UBQLN1: variants seen among roughly 807,000 people sequenced by gnomAD.
UBQLN1 encodes ubiquilin-1.
Under a neutral mutation model 65.4 loss-of-function variants are expected in UBQLN1, and 13 were observed. The ratio of observed to expected loss-of-function variants is 0.20; its 90% CI spans 0.13 to 0.32. UBQLN1 has a LOEUF of 0.32. Ranked by LOEUF, UBQLN1 falls within the 10% of genes least tolerant of loss-of-function variation. UBQLN1 has a pLI of 1.00. For synonymous variants in UBQLN1, 267 were observed against 247.8 expected (o/e 1.08, Z -0.73); for missense variants, 561 against 724.0 (o/e 0.77, Z 2.58).
intron 7 of UBQLN1, chr9:83,667,715 T>TAATC (rs1219656856): frequency 1.0e-6 from 1 of 983,676 alleles, no homozygotes; most frequent in African/African-American, 1.7e-5. Flanking sequence ...CTTTCACAGA[T>TAATC]AATCATCTTA....
At chr9:83,685,589 G>A (rs1832026932) in intron 2 of UBQLN1, among the ~76,000 whole-genome samples, 1 of 150,672 alleles carries the variant, frequency 6.6e-6, no homozygotes, top group Admixed American at 6.6e-5. Flanking sequence ...AGCCCAGCCT[G>A]GGCAACATGG....
rs1013417617 is a variant in UBQLN1 at position 83,660,672 on chromosome 9, C to T, written c.*1115G>A. 6.9e-6 allele frequency: 1 copy of T among 145,354 alleles called. No individual in the cohort carries two copies. Among genetic ancestry groups the T allele is most frequent in the African/African-American group, 2.5e-5 (1 of 39,724 alleles). 9.0% of individuals were successfully genotyped at this position (145,354 alleles called of 1,614,324 possible). On this transcript the variant is annotated 3_prime_UTR_variant, in exon 11 of 11. Coordinates refer to ENST00000376395, the MANE Select transcript of UBQLN1 (RefSeq NM_013438.5). The stretch of plus-strand genomic sequence containing the variant: ...GACAGATTCCGCTGCCCCACCCCCC[C>T]ACCCCGTCCCCCTTTCTCTGAGGCT...
At chr9:83,686,299 GGAGGA>G in intron 1 of UBQLN1, 144 bp from the exon 2 acceptor site, 5 of 570,348 alleles carry the variant, frequency 8.8e-6, no homozygotes, top group Non-Finnish European at 1.1e-5. Context: ...GGCTGAGGCA[GGAGGA>G]CTGCCTGAGT....
chr9:83,695,478 G>GT (rs1320942601), intron 1 of UBQLN1, among the ~76,000 whole-genome samples: 1 of 152,234 alleles, frequency 6.6e-6, no homozygotes, highest in Admixed American at 6.5e-5. Context: ...ACTTAAAGGC[G>GT]TGAGGCGCCA....
At chr9:83,699,819 C>CTA (rs1554730225) in intron 1 of UBQLN1, among the ~76,000 whole-genome samples, 1 of 152,184 alleles carries the variant, frequency 6.6e-6, no homozygotes, top group Non-Finnish European at 1.5e-5. Flanking sequence ...CTGAAAGGAG[C>CTA]TATAGATAAC....
At chr9:83,696,067 G>A (rs1381722430) in intron 1 of UBQLN1, among the ~76,000 whole-genome samples, 2 of 152,166 alleles carry the variant, frequency 1.3e-5, no homozygotes, top group Admixed American at 6.5e-5. Flanking sequence ...AGCCTCTCCA[G>A]TAGCTGGGAC....
chr9:83,669,122 T>A lies in UBQLN1; in HGVS notation c.1248+63A>T, dbSNP rs1252793686. The A allele has an allele frequency of 1.9e-6, 3 of 1,549,660 alleles. No homozygotes were observed. In the South Asian group the frequency reaches 3.7e-5, roughly 19 times the overall value. On this transcript the variant is annotated intron_variant, in intron 7 of 10. Coordinates refer to ENST00000376395, the MANE Select transcript of UBQLN1 (RefSeq NM_013438.5). ...CAACACAAATGTGCCAAAATCACAA[T>A]TACAAGATTAGGTTATTTTAATTCA...
At chr9:83,677,485 C>T (rs1027659863) in intron 6 of UBQLN1, among the ~76,000 whole-genome samples, 2 of 152,074 alleles carry the variant, frequency 1.3e-5, no homozygotes, top group Admixed American at 1.3e-4. Context: ...TCACTTGAAC[C>T]CAGGAGGAAG....
At chr9:83,687,371 A>G (rs1051842000) in intron 1 of UBQLN1, among the ~76,000 whole-genome samples, 7 of 152,292 alleles carry the variant, frequency 4.6e-5, no homozygotes, top group African/African-American at 1.7e-4. Flanking sequence ...GCTTTACCAG[A>G]CTGTCCAAAT....
intron 6 of UBQLN1, among the ~76,000 whole-genome samples, chr9:83,671,550 A>G (rs1831730954): frequency 6.6e-6 from 1 of 152,166 alleles, no homozygotes; most frequent in African/African-American, 2.4e-5. Flanking sequence ...GACTACATGC[A>G]CTGTCAATGA....
intron 8 of UBQLN1, 98 bp from the exon 9 acceptor site, chr9:83,665,243 A>C: frequency 1.2e-6 from 1 of 859,696 alleles, no homozygotes; most frequent in Non-Finnish European, 1.8e-6. Flanking sequence ...GAAAATCTAA[A>C]ACCTTACTCC....
At chr9:83,697,243 T>C (rs956209444) in intron 1 of UBQLN1, among the ~76,000 whole-genome samples, 3 of 99,866 alleles carry the variant, frequency 3.0e-5, no homozygotes, top group Non-Finnish European at 5.6e-5. Context: ...CAGTATCTTC[T>C]GGTTTTTTTT....
intron 1 of UBQLN1, among the ~76,000 whole-genome samples, chr9:83,701,993 T>G (rs77665820): frequency 0.039 from 6,003 of 152,266 alleles, 403 homozygotes; most frequent in African/African-American, 0.14. Flanking sequence ...AAAAAGGAAG[T>G]AAGTACCGGC....
chr9:83,685,949 A>G (rs1264362777), intron 2 of UBQLN1, 55 bp downstream of exon 2: 2 of 1,478,442 alleles, frequency 1.4e-6, no homozygotes, highest in African/African-American at 1.5e-5. Context: ...AGTTACTTTT[A>G]GAAGTACGAA....
At chr9:83,694,196 GAAGAT>G (rs1313086965) in intron 1 of UBQLN1, among the ~76,000 whole-genome samples, 2 of 152,168 alleles carry the variant, frequency 1.3e-5, no homozygotes, top group Non-Finnish European at 2.9e-5. Flanking sequence ...CTTCAGCTCT[GAAGAT>G]AAAACACACA....
chr9:83,705,240 G>GCACT (rs1258286057), intron 1 of UBQLN1, among the ~76,000 whole-genome samples: 1 of 71,872 alleles, frequency 1.4e-5, no homozygotes, highest in Non-Finnish European at 2.6e-5. Context: ...GCTGAAGCCA[G>GCACT]CACTCCTTTT....
intron 10 of UBQLN1, among the ~76,000 whole-genome samples, chr9:83,662,573 C>A (rs1340394826): frequency 2.0e-5 from 3 of 152,010 alleles, no homozygotes; most frequent in Non-Finnish European, 4.4e-5. Context: ...TATAAATGAC[C>A]AATCAATCCT....
At chr9:83,673,602 T>A (rs966312301) in intron 6 of UBQLN1, among the ~76,000 whole-genome samples, 1 of 150,100 alleles carries the variant, frequency 6.7e-6, no homozygotes, top group African/African-American at 2.5e-5. Flanking sequence ...TTTTTATTTT[T>A]AAATAGTTAA....
chr9:83,675,410 A>T (rs1469060664), intron 6 of UBQLN1, among the ~76,000 whole-genome samples: 1 of 152,182 alleles, frequency 6.6e-6, no homozygotes, highest in Non-Finnish European at 1.5e-5. Flanking sequence ...CATTTTGACA[A>T]CTAAAATTGT....
Sources: gnomAD v4.1 joint callset for allele counts (sites outside exome capture counted in the v4.1 genomes callset) on GRCh38, gnomAD v4.1.1 for gene constraint, MANE v1.5 for transcripts, NCBI Gene and HGNC (gene_info 2026-07-23, HGNC 2026-07-21) for gene names.